CDH18: variants seen among roughly 807,000 people sequenced by gnomAD.
The protein encoded by CDH18 is cadherin 18, also known as cadherin-18.
CDH18 carries 31 observed loss-of-function variants against 67.9 expected under a neutral mutation model. That is an observed-to-expected ratio of 0.46 (90% CI 0.34 to 0.62). The LOEUF (loss-of-function observed/expected upper bound fraction) is 0.62, where lower values mean the gene tolerates loss of function less well. Among genes scored for constraint, CDH18 ranks in the 20% least tolerant of loss-of-function variants. The pLI, the probability that CDH18 is intolerant of heterozygous loss-of-function variation, is 0.01. For synonymous variants in CDH18, 362 were observed against 347.2 expected (o/e 1.04, Z -0.48); for missense variants, 890 against 975.5 (o/e 0.91, Z 1.17).
intron 9 of CDH18, among the ~76,000 whole-genome samples, chr5:19,526,519 A>G (rs573880044): frequency 1.3e-5 from 2 of 152,240 alleles, no homozygotes; most frequent in East Asian, 3.9e-4. Flanking sequence ...GCTCTGGAGA[A>G]CACAGAACAA....
At chr5:19,516,904 C>A (rs1464007846) in intron 10 of CDH18, among the ~76,000 whole-genome samples, 1 of 151,858 alleles carries the variant, frequency 6.6e-6, no homozygotes, top group Non-Finnish European at 1.5e-5. Flanking sequence ...TTTGTTGGTT[C>A]CAGTCTGGGT....
intron 6 of CDH18, among the ~76,000 whole-genome samples, chr5:19,598,807 A>C (rs1050396556): frequency 6.6e-6 from 1 of 152,136 alleles, no homozygotes; most frequent in Non-Finnish European, 1.5e-5. Flanking sequence ...ATCTTTAGTA[A>C]ATTCCAGCTA....
At chr5:19,925,491 TC>T (rs1227331902) in intron 2 of CDH18, among the ~76,000 whole-genome samples, 1 of 151,782 alleles carries the variant, frequency 6.6e-6, no homozygotes, top group African/African-American at 2.4e-5. Flanking sequence ...ACTGCATTTT[TC>T]TTTTTTTTTC....
At chr5:20,561,417 T>C (rs7702801) in intron 1 of CDH18, among the ~76,000 whole-genome samples, 21,001 of 152,070 alleles carry the variant, frequency 0.14, 1,924 homozygotes, top group African/African-American at 0.26. Context: ...GGAATATTTT[T>C]CCGTGCTATA....
chr5:20,506,621 A>T (rs2126466431), intron 1 of CDH18, among the ~76,000 whole-genome samples: 1 of 152,306 alleles, frequency 6.6e-6, no homozygotes, highest in South Asian at 2.1e-4. Context: ...GCTTTGAGAC[A>T]CTGTAAAGTA....
At chr5:19,658,374 G>T (rs1756697417) in intron 5 of CDH18, among the ~76,000 whole-genome samples, 1 of 152,028 alleles carries the variant, frequency 6.6e-6, no homozygotes, top group Admixed American at 6.6e-5. Flanking sequence ...TTAAAAAACT[G>T]CATTGGATTG....
At chr5:20,214,354 T>A (rs996540717) in intron 2 of CDH18, among the ~76,000 whole-genome samples, 1 of 151,958 alleles carries the variant, frequency 6.6e-6, no homozygotes, top group African/African-American at 2.4e-5. Context: ...ATAATTCATA[T>A]AGAACTAAAA....
chr5:19,720,896 G>C (rs187499457), intron 5 of CDH18, among the ~76,000 whole-genome samples: 1 of 152,158 alleles, frequency 6.6e-6, no homozygotes, highest in African/African-American at 2.4e-5. Flanking sequence ...TTATATATAT[G>C]TGTGTATGTA....
chr5:19,564,640 T>C (rs1220121449), intron 8 of CDH18, among the ~76,000 whole-genome samples: 1 of 151,948 alleles, frequency 6.6e-6, no homozygotes, highest in Non-Finnish European at 1.5e-5. Flanking sequence ...ACAGATATGG[T>C]GGCTATGGGG....
At chr5:20,490,878 C>T (rs1000647520) in intron 1 of CDH18, among the ~76,000 whole-genome samples, 2 of 152,056 alleles carry the variant, frequency 1.3e-5, no homozygotes, top group Non-Finnish European at 2.9e-5. Flanking sequence ...AATTTTAGCT[C>T]TTCTCATAAT....
At chr5:20,292,036 A>G (rs1747142119) in intron 1 of CDH18, among the ~76,000 whole-genome samples, 1 of 152,116 alleles carries the variant, frequency 6.6e-6, no homozygotes, top group Non-Finnish European at 1.5e-5. Flanking sequence ...AACTCTCTGA[A>G]GCTTTAAGTG....
chr5:20,518,280 T>C (rs1231053462), intron 1 of CDH18, among the ~76,000 whole-genome samples: 2 of 152,116 alleles, frequency 1.3e-5, no homozygotes, highest in African/African-American at 4.8e-5. Flanking sequence ...ACTAGAATAA[T>C]AGTTGATCAT....
At chr5:20,432,178 GA>G (rs944935295) in intron 1 of CDH18, among the ~76,000 whole-genome samples, 5 of 151,884 alleles carry the variant, frequency 3.3e-5, no homozygotes, top group Non-Finnish European at 5.9e-5. Context: ...CTGAATCAGT[GA>G]AAAAAAATTA....
intron 2 of CDH18, among the ~76,000 whole-genome samples, chr5:20,091,674 T>C (rs1441642237): frequency 2.3e-5 from 3 of 128,588 alleles, no homozygotes; most frequent in Non-Finnish European, 5.7e-5. Context: ...AATTTTGCAT[T>C]ATTATTCTTC....
intron 2 of CDH18, among the ~76,000 whole-genome samples, chr5:20,015,985 T>C (rs190241751): frequency 6.6e-6 from 1 of 152,248 alleles, no homozygotes; most frequent in East Asian, 1.9e-4. Flanking sequence ...GGAATATAAA[T>C]TGTTCTACCA....
chr5:20,165,642 T>G (rs1736224408), intron 2 of CDH18, among the ~76,000 whole-genome samples: 1 of 152,160 alleles, frequency 6.6e-6, no homozygotes, highest in Non-Finnish European at 1.5e-5. Flanking sequence ...ATATTTGAGT[T>G]TAGTTGCTCA....
upstream of CDH18, among the ~76,000 whole-genome samples, chr5:19,990,578 G>T (rs779103697): frequency 6.6e-6 from 1 of 152,128 alleles, no homozygotes; most frequent in Non-Finnish European, 1.5e-5. Flanking sequence ...GGAAGGATTT[G>T]TATCTATGAA....
At chr5:19,782,527 C>T (rs75399265) in intron 3 of CDH18, among the ~76,000 whole-genome samples, 5,526 of 151,982 alleles carry the variant, frequency 0.036, 337 homozygotes, top group African/African-American at 0.13. Context: ...TGGAGAAAAG[C>T]AAATTCAAAT....
At chr5:20,549,856 C>T (rs1021651014) in intron 1 of CDH18, among the ~76,000 whole-genome samples, 12 of 152,138 alleles carry the variant, frequency 7.9e-5, no homozygotes, top group African/African-American at 2.9e-4. Context: ...CTAGCATATT[C>T]ACCACGTGAT....
Sources: allele counts gnomAD v4.1 joint callset (sites outside exome capture counted in the v4.1 genomes callset), GRCh38; gene constraint gnomAD v4.1.1; transcripts MANE v1.5; gene names NCBI Gene and HGNC (gene_info 2026-07-23, HGNC 2026-07-21).